Variants in KDM4B observed in about 807,000 individuals in gnomAD.
KDM4B encodes lysine-specific demethylase 4B.
In KDM4B, 32 loss-of-function variants were observed where a neutral mutation model predicts 125.2. The observed-to-expected ratio is 0.26, with a 90% confidence interval of 0.19 to 0.34. The LOEUF is 0.34. Among genes scored for constraint, KDM4B ranks in the 10% least tolerant of loss-of-function variants. KDM4B has a pLI of 1.00. For missense variants in KDM4B, 1,190 were observed against 1,577.7 expected (o/e 0.75, Z 4.16); for synonymous variants, 721 against 677.9 (o/e 1.06, Z -0.99).
chr19:5,099,442 A>G (rs1027148767), intron 9 of KDM4B, among the ~76,000 whole-genome samples: 6 of 152,240 alleles, frequency 3.9e-5, no homozygotes, highest in African/African-American at 7.2e-5. Flanking sequence ...CTCAAGGGCC[A>G]TTTGACCAAA....
At chr19:5,076,639 T>C (rs2038121529) in intron 7 of KDM4B, 1 of 157,148 alleles carries the variant, frequency 6.4e-6, no homozygotes, top group Non-Finnish European at 1.4e-5. Flanking sequence ...TTCCCCAGGG[T>C]CGTGCTCTCT....
chr19:5,142,050 G>A lies in KDM4B; in HGVS notation c.2551-1917G>A, dbSNP rs990168517. On this transcript the variant is annotated intron_variant, in intron 18 of 22. Coordinates refer to ENST00000159111, the MANE Select transcript of KDM4B (RefSeq NM_015015.3). The surrounding 1 kb of genome is among the most constrained non-coding windows in gnomAD (Gnocchi z 5.4). ...GCGCCTCAGTGTGTGACAGGCTGAGGACACAGCTTCATGGGTGGTACCTAG... is the reference window on the plus strand; with the variant it reads ...GCGCCTCAGTGTGTGACAGGCTGAGAACACAGCTTCATGGGTGGTACCTAG... Among the ~76,000 whole-genome samples the A allele has an allele frequency of 6.6e-6, 1 of 152,196 alleles. No individual in the cohort carries two copies. The highest frequency in any genetic ancestry group is 1.5e-5 in the Non-Finnish European group (1 of 68,028).
chr19:5,122,687 C>A (rs550208331), intron 11 of KDM4B, among the ~76,000 whole-genome samples: 28 of 152,316 alleles, frequency 1.8e-4, no homozygotes, highest in African/African-American at 6.7e-4. Context: ...CACCCGTCAC[C>A]GACCAAGAGC....
chr19:4,972,582 C>G (rs1170472256), intron 1 of KDM4B, among the ~76,000 whole-genome samples: 1 of 152,216 alleles, frequency 6.6e-6, no homozygotes. Context: ...TAGTAGCACC[C>G]TGTCCCCTAA....
intron 5 of KDM4B, among the ~76,000 whole-genome samples, chr19:5,044,826 A>C (rs1456929029): frequency 2.0e-5 from 3 of 151,896 alleles, no homozygotes; most frequent in African/African-American, 7.3e-5. Context: ...CCTTTTCCAG[A>C]ATGCCGTGAG....
chr19:5,028,045 T>TAG (rs1187843563), intron 2 of KDM4B, among the ~76,000 whole-genome samples: 7 of 152,212 alleles, frequency 4.6e-5, no homozygotes, highest in Non-Finnish European at 8.8e-5. Context: ...GGTGCAGTCA[T>TAG]AGCTCACTGC....
intron 1 of KDM4B, among the ~76,000 whole-genome samples, chr19:4,988,366 C>T (rs2034915987): frequency 6.6e-6 from 1 of 152,156 alleles, no homozygotes; most frequent in Admixed American, 6.5e-5. Context: ...AGCTCCGCCT[C>T]CTGGGTTCAC....
At chr19:4,999,870 C>T (rs2035319248) in intron 1 of KDM4B, among the ~76,000 whole-genome samples, 2 of 147,442 alleles carry the variant, frequency 1.4e-5, no homozygotes, top group East Asian at 2.1e-4. Flanking sequence ...TCCATCCATC[C>T]ACCCACGCAT....
intron 3 of KDM4B, among the ~76,000 whole-genome samples, chr19:5,033,809 C>T (rs967107914): frequency 7.9e-5 from 12 of 152,190 alleles, no homozygotes; most frequent in African/African-American, 2.4e-4. Flanking sequence ...AGCAGACCCC[C>T]GAACCCCACA....
chr19:5,062,258 TC>T, intron 6 of KDM4B, among the ~76,000 whole-genome samples: 1 of 152,320 alleles, frequency 6.6e-6, no homozygotes, highest in East Asian at 1.9e-4. Flanking sequence ...GTGGATCCAC[TC>T]CCTTGCCTGT....
intron 1 of KDM4B, among the ~76,000 whole-genome samples, chr19:4,978,781 C>A (rs112048805): frequency 6.6e-6 from 1 of 152,124 alleles, no homozygotes; most frequent in African/African-American, 2.4e-5. Context: ...GTGGTCAGGC[C>A]CAGGCTGGTG....
At chr19:5,124,091 G>T (rs1033820392) in intron 11 of KDM4B, among the ~76,000 whole-genome samples, 1 of 152,138 alleles carries the variant, frequency 6.6e-6, no homozygotes. Context: ...GAGTCAGAAC[G>T]TGCTGGGGGC....
intron 9 of KDM4B, among the ~76,000 whole-genome samples, chr19:5,101,790 G>T (rs372545300): frequency 5.5e-4 from 84 of 152,306 alleles, no homozygotes; most frequent in African/African-American, 1.9e-3. Flanking sequence ...ACCTGGGTGG[G>T]CTGTTATGGG....
At chr19:5,108,921 C>T (rs188886700) in intron 9 of KDM4B, among the ~76,000 whole-genome samples, 6 of 152,166 alleles carry the variant, frequency 3.9e-5, no homozygotes, top group African/African-American at 4.8e-5. Flanking sequence ...CTGCCCCCCA[C>T]GCCCCGAGCT....
intron 6 of KDM4B, among the ~76,000 whole-genome samples, chr19:5,057,072 G>GCGCA (rs1319019190): frequency 2.0e-5 from 3 of 151,792 alleles, no homozygotes; most frequent in African/African-American, 7.3e-5. Flanking sequence ...GTGTGCGCGC[G>GCGCA]CGCGCGTATG....
intron 11 of KDM4B, among the ~76,000 whole-genome samples, chr19:5,128,948 G>A (rs2039497306): frequency 1.3e-5 from 2 of 152,084 alleles, no homozygotes; most frequent in Admixed American, 1.3e-4. Context: ...GGACCTGGGG[G>A]TGTTCCAGGC....
intron 1 of KDM4B, among the ~76,000 whole-genome samples, chr19:4,977,865 G>C (rs115336642): frequency 0.048 from 7,348 of 152,234 alleles, 593 homozygotes; most frequent in African/African-American, 0.16. Flanking sequence ...CCTGAGTGAG[G>C]GGGCGCCACC....
chr19:5,126,094 G>A (rs2039444510), intron 11 of KDM4B, among the ~76,000 whole-genome samples: 1 of 152,216 alleles, frequency 6.6e-6, no homozygotes, highest in African/African-American at 2.4e-5. Context: ...TAGCAGTGGG[G>A]TGTGGGGTTT....
chr19:5,089,679 T>G (rs990821774), intron 9 of KDM4B, among the ~76,000 whole-genome samples: 1 of 148,394 alleles, frequency 6.7e-6, no homozygotes, highest in Non-Finnish European at 1.5e-5. Flanking sequence ...CTTCTCAATA[T>G]GGTTCTGTCT....
Sources: allele counts gnomAD v4.1 joint callset (sites outside exome capture counted in the v4.1 genomes callset), GRCh38; gene constraint gnomAD v4.1.1; non-coding constraint Gnocchi (gnomAD v3.1); transcripts MANE v1.5; gene names NCBI Gene and HGNC (gene_info 2026-07-23, HGNC 2026-07-21).